Variants in ZSCAN10 observed in about 807,000 individuals in gnomAD.
ZSCAN10 encodes the protein zinc finger and SCAN domain-containing protein 10.
In ZSCAN10, 52 loss-of-function variants were observed where a neutral mutation model predicts 63.7. That is an observed-to-expected ratio of 0.82 (90% CI 0.65 to 1.03). ZSCAN10 has a LOEUF of 1.03. Ranked by LOEUF, ZSCAN10 falls within the 50% of genes least tolerant of loss-of-function variation. The pLI is 0.00. For missense variants in ZSCAN10, 1,223 were observed against 1,103.8 expected (o/e 1.11, Z -1.53); for synonymous variants, 544 against 479.6 (o/e 1.13, Z -1.76).
At position 3,090,352 on chromosome 16, in the gene ZSCAN10, C is replaced by CGAGACAGCTGCGGGAAGCTCA; in HGVS notation, c.1061_1081dup (p.Ser360_Arg361insLeuSerPheProGlnLeuSer). On this transcript the variant is annotated inframe_insertion, in exon 6 of 6. Coordinates refer to ENST00000576985, the MANE Select transcript of ZSCAN10 (RefSeq NM_032805.3). The stretch of plus-strand genomic sequence containing the variant: ...CGAGCGCAGCTGGTGCGCCTTCAGG[C>CGAGACAGCTGCGGGAAGCTCA]GAGACAGCTGCGGGAAGCTCACCCC... 6.2e-7 allele frequency: 1 copy of CGAGACAGCTGCGGGAAGCTCA among 1,611,752 alleles called. No individual in the cohort carries two copies. Among genetic ancestry groups the CGAGACAGCTGCGGGAAGCTCA allele is most frequent in the Non-Finnish European group, 8.5e-7 (1 of 1,179,064 alleles).
intron 4 of ZSCAN10, 81 bp from the exon 5 acceptor site, chr16:3,091,678 A>G (rs1957078565): frequency 1.2e-6 from 2 of 1,610,182 alleles, no homozygotes; most frequent in Non-Finnish European, 1.7e-6. Flanking sequence ...CCTAGGACTG[A>G]ATCAGGGAAG....
At chr16:3,098,831 C>G (rs747393334) in intron 1 of ZSCAN10, among the ~76,000 whole-genome samples, 2 of 152,226 alleles carry the variant, frequency 1.3e-5, no homozygotes, top group Non-Finnish European at 2.9e-5. Context: ...GCCGGGAACA[C>G]TCCCTTTCTC....
Position 3,090,447 on chromosome 16 carries a change from A to C in ZSCAN10, c.987T>G (p.Ile329Met). The C allele has an allele frequency of 6.2e-7, 1 of 1,613,714 alleles. No homozygotes were observed. Among genetic ancestry groups the C allele is most frequent in the Non-Finnish European group, 8.5e-7 (1 of 1,179,918 alleles). The change falls in exon 6 of 6, where the codon ATT (isoleucine) becomes ATG (methionine). Residue 329 changes from isoleucine (I) to methionine (M), a missense_variant. By Grantham distance (10) the Ile-to-Met change is conservative. Transcript: ENST00000576985. ...CGCCCTCAGCCACTTTGACCTCCAAAATTTCACTGCTGCCAAGAAGGGACC... is the reference window on the plus strand; with the variant it reads ...CGCCCTCAGCCACTTTGACCTCCAACATTTCACTGCTGCCAAGAAGGGACC... ...EDGSLLGSSE[I>M]LEVKVAEGVP...
chr16:3,095,145 G>A (rs1957137401), intron 1 of ZSCAN10, among the ~76,000 whole-genome samples: 1 of 152,110 alleles, frequency 6.6e-6, no homozygotes, highest in African/African-American at 2.4e-5. Context: ...TTGGGAGGCT[G>A]AGGCAGGAGG....
At chr16:3,094,250 G>A (rs12928734) in intron 1 of ZSCAN10, among the ~76,000 whole-genome samples, 58,526 of 152,058 alleles carry the variant, frequency 0.38, 11,489 homozygotes, top group African/African-American at 0.43. Flanking sequence ...CTGGGCTCAA[G>A]TGATCCACCT....
chr16:3,090,353 G>T lies in ZSCAN10; in HGVS notation c.1081C>A (p.Arg361Ser). ...GAGCGCAGCTGGTGCGCCTTCAGGC[G>T]AGACAGCTGCGGGAAGCTCACCCCG... is the stretch of plus-strand genomic sequence containing the variant. Reference protein sequence around the residue: ...DCGVSFPQLSRLKAHQLRSHP... With the variant: ...DCGVSFPQLSSLKAHQLRSHP... Residue 361 changes from arginine to serine, a missense_variant, in exon 6 of 6, where the codon CGC (arginine) becomes AGC (serine). Physicochemically the swap from Arg to Ser is moderately radical, Grantham distance 110. Transcript: ENST00000576985. The T allele has an allele frequency of 6.2e-7, 1 of 1,612,022 alleles. No homozygotes were observed.
chr16:3,096,280 A>G (rs935071935), intron 1 of ZSCAN10, among the ~76,000 whole-genome samples: 2 of 152,174 alleles, frequency 1.3e-5, no homozygotes, highest in African/African-American at 4.8e-5. Context: ...GGCAGGGGTC[A>G]TTTTATAGAC....
intron 1 of ZSCAN10, 131 bp from the exon 2 acceptor site, chr16:3,093,135 G>A (rs1237704806): frequency 2.2e-5 from 14 of 634,836 alleles, no homozygotes; most frequent in African/African-American, 1.5e-4. Context: ...AATGGCTCAC[G>A]AGGGCAGGAC....
chr16:3,090,545 G>A lies in ZSCAN10; in HGVS notation c.889C>T (p.Pro297Ser). The A allele has an allele frequency of 6.2e-7, 1 of 1,611,528 alleles. No individual in the cohort carries two copies. Among genetic ancestry groups the A allele is most frequent in the Non-Finnish European group, 8.5e-7 (1 of 1,178,462 alleles). ...PILAESQADSPGVPGEPCAQS... is the reference protein window; with the variant it reads ...PILAESQADSSGVPGEPCAQS... ...GCGCAAGGCTCTCCCGGCACCCCAG[G>A]ACTATCTGCCTGGGACTCTGCTAAG... Residue 297 changes from proline to serine, a missense_variant, in exon 6 of 6, where the codon CCT becomes TCT. Physicochemically the swap from Pro to Ser is moderately conservative, Grantham distance 74. Transcript: ENST00000576985.
Position 3,089,392 on chromosome 16 carries a change from C to A in ZSCAN10, c.2042G>T (p.Arg681Leu). 1 of 1,600,718 alleles carries A rather than the reference C, an allele frequency of 6.2e-7. No individual in the cohort carries two copies. Among genetic ancestry groups the A allele is most frequent in the Non-Finnish European group, 8.5e-7 (1 of 1,177,626 alleles). The change falls in exon 6 of 6, where the codon CGC (arginine) becomes CTC (leucine). Residue 681 changes from arginine (R) to leucine (L), a missense_variant. Physicochemically the swap from Arg to Leu is moderately radical, Grantham distance 102 (BLOSUM62 -2). Transcript: ENST00000576985. The stretch of plus-strand genomic sequence containing the variant: ...GGGCCGCTCGCCCGTGTGGCTGCGG[C>A]GATGGCGGGCCAGGTTGGAGCTATT... ...FRNSSNLARH[R>L]RSHTGERPYS... is the part of the protein sequence containing the mutation.
chr16:3,089,533 C>T lies in ZSCAN10; in HGVS notation c.1901G>A (p.Cys634Tyr). ...HQRSHTGEKP[C>Y]RCSECGEGFS... ...GCCCTCACCGCACTCGCTGCAGCGGCAGGGCTTCTCGCCCGTGTGGCTGCG... is the reference window on the plus strand; with the variant it reads ...GCCCTCACCGCACTCGCTGCAGCGGTAGGGCTTCTCGCCCGTGTGGCTGCG... The change falls in exon 6 of 6, where the codon TGC becomes TAC. Residue 634 changes from cysteine to tyrosine, a missense_variant. Cys to Tyr is a radical substitution (Grantham distance 194, BLOSUM62 -2). Coordinates refer to ENST00000576985, the MANE Select transcript of ZSCAN10 (RefSeq NM_032805.3). The T allele has an allele frequency of 6.3e-7, 1 of 1,597,786 alleles. No homozygotes were observed. Among genetic ancestry groups the T allele is most frequent in the Non-Finnish European group, 8.5e-7 (1 of 1,173,764 alleles).
intron 1 of ZSCAN10, among the ~76,000 whole-genome samples, chr16:3,093,683 TTTTC>T (rs1321190244): frequency 0.021 from 2,315 of 108,554 alleles, 137 homozygotes; most frequent in African/African-American, 0.092. Context: ...AAGCTTTTTT[TTTTC>T]TTTTTTTTTT....
chr16:3,095,016 T>A lies in ZSCAN10; in HGVS notation c.-67-2012A>T, dbSNP rs561982189. 2.6e-5 allele frequency among the ~76,000 whole-genome samples: 4 copies of A among 151,954 alleles called. No homozygotes were observed. In the South Asian group the frequency reaches 6.2e-4, roughly 24 times the overall value. ...CGCTGAAGAGTTTGGAGAAGGGGCC[T>A]GATATATGAGATACATATATGAATG... On this transcript the variant is annotated intron_variant, in intron 1 of 5. Coordinates refer to ENST00000576985, the MANE Select transcript of ZSCAN10 (RefSeq NM_032805.3).
intron 1 of ZSCAN10, among the ~76,000 whole-genome samples, chr16:3,093,964 C>T (rs891128703): frequency 6.6e-6 from 1 of 151,936 alleles, no homozygotes; most frequent in Non-Finnish European, 1.5e-5. Flanking sequence ...GAGATTAAGG[C>T]GTGAACCACT....
At chr16:3,093,091 C>T (rs544297500) in intron 1 of ZSCAN10, 87 bp from the exon 2 acceptor site, 4 of 1,030,060 alleles carry the variant, frequency 3.9e-6, no homozygotes, top group South Asian at 3.6e-5. Flanking sequence ...ACACCCAATA[C>T]GCAGACCCAG....
At position 3,092,869 on chromosome 16, in the gene ZSCAN10, C is replaced by G; in HGVS notation, c.69G>C (p.Glu23Asp). Residue 23 changes from glutamate to aspartate, a missense_variant, in exon 2 of 6, where the codon GAG (glutamate) becomes GAC (aspartate). Glu to Asp is a conservative substitution (Grantham distance 45). Coordinates refer to ENST00000576985, the MANE Select transcript of ZSCAN10 (RefSeq NM_032805.3). The stretch of plus-strand genomic sequence containing the variant: ...TGGGGTCCTCTGGGCTGACAGCCTC[C>G]TCCTCCTCCAGCTTGACTTCCCCCA... ...EQLGEVKLEE[E>D]EAVSPEDPRR... 1.4e-6 allele frequency: 2 copies of G among 1,447,328 alleles called. No individual in the cohort carries two copies. The highest frequency in any genetic ancestry group is 1.8e-6 in the Non-Finnish European group (2 of 1,097,310). The allele number at this position is 1,447,328 out of a possible 1,614,324, so 89.7% of individuals were successfully genotyped here. A position where few individuals can be genotyped will look rare whatever the true frequency, so the allele number is the denominator to read the frequency against.
rs552818200 is a variant in ZSCAN10, at chr16:3,094,203, G to A, written c.-67-1199C>T. On this transcript the variant is annotated intron_variant, in intron 1 of 5. Transcript: ENST00000576985. Reference sequence around the variant, plus strand: ...AATTTTATTTATTTTTTGTAGACACGAGTTCTCATTATGTTGCCCAGGCTG... The same window carrying A: ...AATTTTATTTATTTTTTGTAGACACAAGTTCTCATTATGTTGCCCAGGCTG... 1.1e-3 allele frequency among the ~76,000 whole-genome samples: 171 copies of A among 152,064 alleles called. 1 individual carries two copies. Among genetic ancestry groups the A allele is most frequent in the African/African-American group, 4.1e-3 (168 of 41,460 alleles).
chr16:3,091,608 A>G lies in ZSCAN10; in HGVS notation c.730-11T>C, dbSNP rs1567166429. ...AAAGGTCAGGCACTCCTGTATCAAG[A>G]GCAGAAACCCTTGGTGAGTGAGGAA... On this transcript the variant is annotated splice_polypyrimidine_tract_variant and intron_variant, in intron 4 of 5. Transcript: ENST00000576985. 1 of 1,614,190 alleles carries G rather than the reference A, an allele frequency of 6.2e-7. No individual in the cohort carries two copies.
At position 3,090,208 on chromosome 16, in the gene ZSCAN10, C is replaced by T. The variant is rs1957051632; in HGVS notation, c.1226G>A (p.Cys409Tyr). The T allele has an allele frequency of 6.2e-7, 1 of 1,606,404 alleles. No individual in the cohort carries two copies. Among genetic ancestry groups the T allele is most frequent in the Non-Finnish European group, 8.5e-7 (1 of 1,179,454 alleles). ...TDERPHACHL[C>Y]GHRFRQSSHL... ...CGAGCTCTGGCGGAAGCGGTGGCCG[C>T]ACAGGTGGCAGGCGTGCGGCCGCTC... Residue 409 changes from cysteine to tyrosine, a missense_variant, in exon 6 of 6, where the codon TGC becomes TAC. Transcript: ENST00000576985.
Sources: allele counts gnomAD v4.1 joint callset (sites outside exome capture counted in the v4.1 genomes callset), GRCh38; gene constraint gnomAD v4.1.1; transcripts MANE v1.5; gene names NCBI Gene and HGNC (gene_info 2026-07-23, HGNC 2026-07-21).